GRHL2: variants seen among roughly 807,000 people sequenced by gnomAD.
GRHL2 encodes grainyhead like transcription factor 2.
In GRHL2, 21 loss-of-function variants were observed where a neutral mutation model predicts 83.8. The observed-to-expected ratio is 0.25, with a 90% confidence interval of 0.18 to 0.36. GRHL2 has a LOEUF of 0.36. GRHL2 is among the 10% of genes least tolerant of loss of function. The probability of loss-of-function intolerance (pLI) is 1.00; values close to 1 mark genes in which losing one functional copy is unlikely to be tolerated. For missense variants in GRHL2, 623 were observed against 781.8 expected, an observed-to-expected ratio of 0.80 and a Z score of 2.42; for synonymous variants, 280 against 278.9, an observed-to-expected ratio of 1.00 and a Z score of -0.04.
the GRHL2 span, among the ~76,000 whole-genome samples, chr8:101,675,696 T>C: frequency 1.3e-5 from 2 of 152,096 alleles, no homozygotes; most frequent in Non-Finnish European, 2.9e-5. Context: ...CTTCACAGAA[T>C]TGGAAAAAAC....
At chr8:101,614,928 A>G (rs1812823805) in intron 8 of GRHL2, among the ~76,000 whole-genome samples, 1 of 152,220 alleles carries the variant, frequency 6.6e-6, no homozygotes, top group African/African-American at 2.4e-5. Context: ...GCAGCTAGGC[A>G]AGAGGAAACA....
chr8:101,529,440 A>AG (rs1810875758), intron 1 of GRHL2: 4 of 157,408 alleles, frequency 2.5e-5, no homozygotes, highest in African/African-American at 7.3e-5. Flanking sequence ...CTCAAAAAAA[A>AG]AAAAAAAGTG....
intron 3 of GRHL2, among the ~76,000 whole-genome samples, chr8:101,553,623 C>CTTTTTTTTTTTTTT (rs1184533206): frequency 9.4e-6 from 1 of 106,846 alleles, no homozygotes; most frequent in Non-Finnish European, 1.8e-5. Flanking sequence ...TCATCCACTT[C>CTTTTTTTTTTTTTT]TTTTTTTTTT....
At chr8:101,659,228 T>C (rs1160826886) in intron 14 of GRHL2, among the ~76,000 whole-genome samples, 1 of 152,238 alleles carries the variant, frequency 6.6e-6, no homozygotes, top group Non-Finnish European at 1.5e-5. Context: ...AGGATTCTAA[T>C]ATGACATGAA....
intron 9 of GRHL2, among the ~76,000 whole-genome samples, chr8:101,629,354 T>G (rs1219046019): frequency 9.2e-5 from 14 of 152,106 alleles, no homozygotes; most frequent in Non-Finnish European, 1.9e-4. Context: ...TATGTACATT[T>G]TTTAGACATA....
chr8:101,547,937 G>T (rs1044065943), intron 2 of GRHL2, among the ~76,000 whole-genome samples: 1 of 152,216 alleles, frequency 6.6e-6, no homozygotes, highest in Non-Finnish European at 1.5e-5. Flanking sequence ...ACAGAAAAAT[G>T]TGACAGATTC....
chr8:101,602,517 T>C, intron 8 of GRHL2, among the ~76,000 whole-genome samples: 1 of 152,248 alleles, frequency 6.6e-6, no homozygotes, highest in East Asian at 1.9e-4. Flanking sequence ...AATGCATATA[T>C]GTATGTGTGT....
chr8:101,619,714 G>GT lies in GRHL2; in HGVS notation c.1257+23dup, dbSNP rs541365155. 1.2e-5 allele frequency: 19 copies of GT among 1,593,988 alleles called. No individual in the cohort carries two copies. Among genetic ancestry groups the GT allele is most frequent in the Middle Eastern group, 1.7e-4 (1 of 6,032 alleles). Reference sequence around the variant, plus strand: ...TGTGACAAAGTGAGTAAAGATGACAGTTTTTTATAAAGGTATCTTTTTTAT... The same window carrying GT: ...TGTGACAAAGTGAGTAAAGATGACAGTTTTTTTATAAAGGTATCTTTTTTAT... On this transcript the variant is annotated intron_variant, in intron 9 of 15. Transcript: ENST00000646743.
intron 5 of GRHL2, among the ~76,000 whole-genome samples, chr8:101,571,494 A>G (rs1324007329): frequency 1.3e-5 from 2 of 151,450 alleles, no homozygotes; most frequent in Non-Finnish European, 1.5e-5. Flanking sequence ...ATTACATAAA[A>G]AAAAAAAAAA....
intron 1 of GRHL2, among the ~76,000 whole-genome samples, chr8:101,494,022 C>T (rs535247413): frequency 2.6e-5 from 4 of 152,156 alleles, no homozygotes; most frequent in Non-Finnish European, 5.9e-5. Flanking sequence ...CGCGTCCGGG[C>T]CTGGGAACTG....
the GRHL2 span, among the ~76,000 whole-genome samples, chr8:101,680,100 T>G: frequency 8.4e-6 from 1 of 118,954 alleles, no homozygotes; most frequent in African/African-American, 3.5e-5. Context: ...GTAAATGGGC[T>G]AAATGCTCCA....
chr8:101,532,479 C>T (rs991730231), intron 1 of GRHL2, among the ~76,000 whole-genome samples: 7 of 152,084 alleles, frequency 4.6e-5, no homozygotes, highest in Non-Finnish European at 1.0e-4. Context: ...CAGCTGGCCG[C>T]GGTGGCTCAT....
intron 1 of GRHL2, among the ~76,000 whole-genome samples, chr8:101,500,226 T>C (rs1810197083): frequency 6.6e-6 from 1 of 152,214 alleles, no homozygotes; most frequent in Non-Finnish European, 1.5e-5. Context: ...ACAGGCTGGA[T>C]AGGAATTTTT....
At chr8:101,675,656 C>T in the GRHL2 span, among the ~76,000 whole-genome samples, 13 of 152,034 alleles carry the variant, frequency 8.6e-5, no homozygotes, top group Admixed American at 2.6e-4. Flanking sequence ...ATAGACTCAA[C>T]GCCATCCCCA....
At chr8:101,677,641 A>G in the GRHL2 span, among the ~76,000 whole-genome samples, 1 of 152,084 alleles carries the variant, frequency 6.6e-6, no homozygotes. Context: ...CTACCCCTGC[A>G]TTTTGAAGTA....
At chr8:101,653,007 C>T (rs921989364) in intron 14 of GRHL2, among the ~76,000 whole-genome samples, 12 of 152,094 alleles carry the variant, frequency 7.9e-5, no homozygotes, top group Middle Eastern at 3.2e-3. Context: ...TTTGAAATTT[C>T]GGAGGAGGCA....
intron 12 of GRHL2, 38 bp from the exon 13 acceptor site, chr8:101,644,093 G>A (rs754639693): frequency 6.4e-7 from 1 of 1,567,208 alleles, no homozygotes; most frequent in African/African-American, 1.3e-5. Context: ...TTGACACCTT[G>A]CTGGTTTTAC....
intron 2 of GRHL2, among the ~76,000 whole-genome samples, chr8:101,552,242 GC>G (rs1302540882): frequency 2.6e-5 from 4 of 152,164 alleles, no homozygotes; most frequent in African/African-American, 9.7e-5. Context: ...AGTATGGCCC[GC>G]CCCGTGCCTA....
intron 8 of GRHL2, among the ~76,000 whole-genome samples, chr8:101,611,467 C>T (rs1812748257): frequency 6.6e-6 from 1 of 150,760 alleles, no homozygotes; most frequent in Non-Finnish European, 1.5e-5. Context: ...CAGAAGTGCC[C>T]CGCTGCTTGG....
Sources: allele counts gnomAD v4.1 joint callset (sites outside exome capture counted in the v4.1 genomes callset), GRCh38; gene constraint gnomAD v4.1.1; transcripts MANE v1.5; gene names NCBI Gene and HGNC (gene_info 2026-07-23, HGNC 2026-07-21).